Variants in NEK11 observed in about 807,000 individuals in gnomAD.
NEK11 encodes serine/threonine-protein kinase Nek11.
In NEK11, 72 loss-of-function variants were observed where a neutral mutation model predicts 80.7. The observed-to-expected ratio is 0.89, with a 90% CI of 0.74 to 1.08. The LOEUF (loss-of-function observed/expected upper bound fraction) is 1.08. NEK11 is among the 50% of genes least tolerant of loss of function. The pLI, the probability that NEK11 is intolerant of heterozygous loss-of-function variation, is 0.00. For synonymous variants in NEK11, 251 were observed against 260.7 expected, an observed-to-expected ratio of 0.96 and a Z score of 0.36; for missense variants, 764 against 763.6, an observed-to-expected ratio of 1.00 and a Z score of -0.01.
chr3:131,233,030 A>AAGGAAGGT (rs1553953985), intron 15 of NEK11, among the ~76,000 whole-genome samples: 1 of 141,788 alleles, frequency 7.1e-6, no homozygotes, highest in Non-Finnish European at 1.5e-5. Context: ...GGAAGGAAGG[A>AAGGAAGGT]AGGAAGGTTG....
chr3:131,074,967 A>C (rs1042082442), intron 3 of NEK11, among the ~76,000 whole-genome samples: 9 of 152,174 alleles, frequency 5.9e-5, no homozygotes, highest in Admixed American at 3.3e-4. Context: ...TATTTGGCAC[A>C]TAGAAGATAG....
chr3:131,054,790 A>AATG (rs2069109835), intron 3 of NEK11, among the ~76,000 whole-genome samples: 3 of 136,826 alleles, frequency 2.2e-5, no homozygotes, highest in East Asian at 2.0e-4. Context: ...ATAAATAAAT[A>AATG]AATGAATGAA....
rs181531583 is a variant in NEK11, at chr3:131,057,916, G to T, written c.171-22507G>T. Among the ~76,000 whole-genome samples the T allele has an allele frequency of 7.2e-5, 11 of 152,190 alleles. No homozygotes were observed. In the East Asian group the frequency reaches 1.4e-3, roughly 19 times the overall value. ...AATGAGATCCCATTTGTCAATTTTGGCTTTTGTTGCCATTGGTTTTGGTGT... is the reference window on the plus strand; with the variant it reads ...AATGAGATCCCATTTGTCAATTTTGTCTTTTGTTGCCATTGGTTTTGGTGT... On this transcript the variant is annotated intron_variant, in intron 3 of 17. Coordinates refer to ENST00000383366, the MANE Select transcript of NEK11 (RefSeq NM_024800.5).
chr3:131,133,393 G>T (rs2084916022), intron 6 of NEK11: 1 of 413,758 alleles, frequency 2.4e-6, no homozygotes, highest in East Asian at 7.3e-5. Flanking sequence ...AATTTTTATA[G>T]TCATGTTCTT....
intron 17 of NEK11, chr3:131,330,026 G>C (rs569015855): frequency 6.6e-6 from 1 of 152,218 alleles, no homozygotes; most frequent in Non-Finnish European, 1.5e-5. Flanking sequence ...GAAACGAATC[G>C]AGTGGCTCCT....
chr3:131,144,162 C>T (rs548253999), intron 7 of NEK11, among the ~76,000 whole-genome samples: 2 of 152,148 alleles, frequency 1.3e-5, no homozygotes, highest in East Asian at 1.9e-4. Context: ...TCAGTAGTTC[C>T]GGACAAGTTG....
intron 17 of NEK11, among the ~76,000 whole-genome samples, chr3:131,314,130 A>AGTGTGTGT (rs143988468): frequency 7.4e-5 from 11 of 149,334 alleles, no homozygotes; most frequent in South Asian, 2.1e-4. Flanking sequence ...GGAGAAAAAG[A>AGTGTGTGT]GTGTGTGTGT....
chr3:131,204,638 G>A (rs1270331524), intron 14 of NEK11, among the ~76,000 whole-genome samples: 1 of 150,874 alleles, frequency 6.6e-6, no homozygotes, highest in Non-Finnish European at 1.5e-5. Context: ...TTGTTTTCTT[G>A]GTGGGACAGC....
At chr3:131,041,835 C>G (rs545499536) in intron 3 of NEK11, among the ~76,000 whole-genome samples, 40 of 152,252 alleles carry the variant, frequency 2.6e-4, no homozygotes, top group African/African-American at 9.6e-4. Flanking sequence ...AAGAACAGCT[C>G]TGGTCTGCAG....
chr3:131,174,759 T>G, intron 14 of NEK11: 1 of 1,608,048 alleles, frequency 6.2e-7, no homozygotes, highest in Non-Finnish European at 8.5e-7. Context: ...TTATATTTTA[T>G]TTTTTAGCAA....
intron 4 of NEK11, among the ~76,000 whole-genome samples, chr3:131,090,349 T>C (rs2076547100): frequency 6.6e-6 from 1 of 152,232 alleles, no homozygotes; most frequent in African/African-American, 2.4e-5. Context: ...TCAAGTCTTT[T>C]ATTGCAACCT....
chr3:131,130,741 G>A (rs2084283181), intron 5 of NEK11, among the ~76,000 whole-genome samples: 1 of 152,130 alleles, frequency 6.6e-6, no homozygotes, highest in Non-Finnish European at 1.5e-5. Flanking sequence ...AAGCAGCCTT[G>A]CATACCTAGT....
chr3:131,047,319 G>A (rs906740736), intron 3 of NEK11, among the ~76,000 whole-genome samples: 20 of 152,176 alleles, frequency 1.3e-4, no homozygotes, highest in African/African-American at 4.8e-4. Flanking sequence ...TTGCTGGTGA[G>A]TTAGTGTGAT....
intron 17 of NEK11, among the ~76,000 whole-genome samples, chr3:131,332,118 C>T (rs1026655174): frequency 1.3e-5 from 2 of 152,206 alleles, no homozygotes; most frequent in Admixed American, 6.5e-5. Flanking sequence ...AGCAGTGGTT[C>T]TCCCAGCATG....
chr3:131,213,553 G>A (rs962971805), intron 14 of NEK11, among the ~76,000 whole-genome samples: 44 of 152,244 alleles, frequency 2.9e-4, no homozygotes, highest in African/African-American at 1.0e-3. Context: ...GGGAGAGGCC[G>A]CCTATGGTAG....
At chr3:131,312,921 G>A (rs1223892586) in intron 17 of NEK11, among the ~76,000 whole-genome samples, 2 of 151,886 alleles carry the variant, frequency 1.3e-5, no homozygotes, top group African/African-American at 4.8e-5. Context: ...TCATCACCCA[G>A]GTACTAAGCC....
intron 17 of NEK11, among the ~76,000 whole-genome samples, chr3:131,301,312 T>G (rs1169354931): frequency 6.6e-6 from 1 of 152,168 alleles, no homozygotes; most frequent in African/African-American, 2.4e-5. Context: ...TATAGACTCA[T>G]ATTATCTACA....
intron 3 of NEK11, among the ~76,000 whole-genome samples, chr3:131,071,246 T>G (rs1318338702): frequency 1.3e-5 from 2 of 152,182 alleles, no homozygotes; most frequent in African/African-American, 4.8e-5. Flanking sequence ...TTTATAAACT[T>G]GCATTTTTAG....
Position 131,170,792 on chromosome 3 carries a change from T to C in NEK11, c.1304T>C (p.Leu435Ser), listed in dbSNP as rs1260700792. The C allele has an allele frequency of 6.2e-7, 1 of 1,613,952 alleles. No homozygotes were observed. Among genetic ancestry groups the C allele is most frequent in the Non-Finnish European group, 8.5e-7 (1 of 1,179,790 alleles). The change falls in exon 14 of 18, where the codon TTA becomes TCA. Residue 435 changes from leucine to serine, a missense_variant. Physicochemically the swap from Leu to Ser is moderately radical, Grantham distance 145. Coordinates refer to ENST00000383366, the MANE Select transcript of NEK11 (RefSeq NM_024800.5). ...GREEESDEPT[L>S]ENLPESQPIP... ...CACAAGGAATCTGATGAACCAACTT[T>C]AGAGAACCTGCCTGAGTCTCAGCCT...
Sources: gnomAD v4.1 joint callset for allele counts (sites outside exome capture counted in the v4.1 genomes callset) on GRCh38, gnomAD v4.1.1 for gene constraint, MANE v1.5 for transcripts, NCBI Gene and HGNC (gene_info 2026-07-23, HGNC 2026-07-21) for gene names.